FILIP1: variants seen among roughly 807,000 people sequenced by gnomAD.
FILIP1 encodes the protein filamin-A-interacting protein 1.
A neutral mutation model predicts 102.1 loss-of-function variants in FILIP1; 61 were observed. The ratio of observed to expected loss-of-function variants is 0.60; its 90% confidence interval spans 0.49 to 0.74. The LOEUF (loss-of-function observed/expected upper bound fraction) is 0.74, where lower values mean the gene tolerates loss of function less well. Ranked by LOEUF, FILIP1 falls within the 30% of genes least tolerant of loss-of-function variation. The pLI is 0.00. For missense variants in FILIP1, 1,314 were observed against 1,441.2 expected (o/e 0.91, Z 1.43); for synonymous variants, 491 against 526.9 (o/e 0.93, Z 0.93).
At position 75,410,395 on chromosome 6, in the gene FILIP1, GA is replaced by G. The variant is rs199872268; in HGVS notation, c.276+4301del. On this transcript the variant is annotated intron_variant, in intron 2 of 5. Transcript: ENST00000237172. Reference sequence around the variant, plus strand: ...CACATAACTTCCACATTTTTTTTGAGATTTTTTTTTTTTATTATTATACTTT... The same window carrying G: ...CACATAACTTCCACATTTTTTTTGAGTTTTTTTTTTTTATTATTATACTTT... Among the ~76,000 whole-genome samples, 559 of 150,524 alleles carry G rather than the reference GA, an allele frequency of 3.7e-3. 1 individual carries two copies. Among genetic ancestry groups the G allele is most frequent in the African/African-American group, 0.013 (530 of 40,494 alleles).
intron 2 of FILIP1, among the ~76,000 whole-genome samples, chr6:75,372,625 G>A (rs866797543): frequency 1.9e-4 from 5 of 26,894 alleles, no homozygotes; most frequent in African/African-American, 8.6e-4. Flanking sequence ...GAAAGAAAAA[G>A]AAAGAAAGAA....
At chr6:75,292,916 G>T (rs1772578560) in exon 7 of FILIP1, 1 of 152,096 alleles carries the variant, frequency 6.6e-6, no homozygotes, top group Admixed American at 6.5e-5. Flanking sequence ...TACTGCAGTA[G>T]CGCTGTTGTC....
chr6:75,303,317 G>T (rs1050190094), downstream of FILIP1, among the ~76,000 whole-genome samples: 1 of 152,226 alleles, frequency 6.6e-6, no homozygotes, highest in African/African-American at 2.4e-5. Flanking sequence ...TGGCATCTGG[G>T]TGTAGATGAA....
Position 75,397,093 on chromosome 6 carries a change from C to G in FILIP1, c.276+17604G>C, listed in dbSNP as rs143299509. 7.6e-3 allele frequency among the ~76,000 whole-genome samples: 1,157 copies of G among 151,630 alleles called. 9 individuals are homozygous for G. Among genetic ancestry groups the G allele is most frequent in the Middle Eastern group, 0.02 (6 of 294 alleles). ...TGACTAGTTGATGGGTGCAGAACAC[C>G]AACATGGCACATGTATACATATGTA... is the stretch of plus-strand genomic sequence containing the variant. On this transcript the variant is annotated intron_variant, in intron 2 of 5. Transcript: ENST00000237172.
intron 4 of FILIP1, among the ~76,000 whole-genome samples, chr6:75,332,270 A>G (rs1331817378): frequency 2.6e-5 from 4 of 152,098 alleles, no homozygotes; most frequent in South Asian, 2.1e-4. Flanking sequence ...CCTATTTTCT[A>G]TGTTTCAAAG....
At chr6:75,371,497 C>T (rs1775516907) in intron 2 of FILIP1, among the ~76,000 whole-genome samples, 1 of 152,182 alleles carries the variant, frequency 6.6e-6, no homozygotes, top group African/African-American at 2.4e-5. Context: ...TATGGAATCT[C>T]AAGGGACCAT....
chr6:75,466,108 C>T (rs1258167246), intron 1 of FILIP1, among the ~76,000 whole-genome samples: 1 of 152,186 alleles, frequency 6.6e-6, no homozygotes, highest in Non-Finnish European at 1.5e-5. Context: ...ACATTACCTG[C>T]TCCACGAGGC....
At position 75,433,861 on chromosome 6, in the gene FILIP1, C is replaced by T. The variant is rs1373172965; in HGVS notation, c.-6-18883G>A. 3.9e-5 allele frequency among the ~76,000 whole-genome samples: 6 copies of T among 152,030 alleles called. No homozygotes were observed. The South Asian group carries it at 6.2e-4, about 16-fold the overall frequency. The stretch of plus-strand genomic sequence containing the variant: ...TCTTTAATCCATCTTGAATTAATTT[C>T]TGTATAAGGTGTAAGGAAGGGATAC... On this transcript the variant is annotated intron_variant, in intron 1 of 5. Coordinates refer to ENST00000237172, the MANE Select transcript of FILIP1 (RefSeq NM_015687.5).
At chr6:75,419,785 C>T (rs963335876) in intron 1 of FILIP1, among the ~76,000 whole-genome samples, 3 of 152,124 alleles carry the variant, frequency 2.0e-5, no homozygotes, top group East Asian at 1.9e-4. Context: ...TTCCTGTGTG[C>T]GTTATCTTAT....
intron 2 of FILIP1, among the ~76,000 whole-genome samples, chr6:75,394,659 G>A (rs560746706): frequency 1.3e-5 from 2 of 152,216 alleles, no homozygotes; most frequent in South Asian, 4.1e-4. Context: ...CAATACAAAT[G>A]TCTCTAACAA....
chr6:75,319,838 A>AAG (rs1554199597), intron 4 of FILIP1: 37 of 425,018 alleles, frequency 8.7e-5, no homozygotes, highest in Non-Finnish European at 1.5e-4. Context: ...CCCCAAAAAA[A>AAG]AAAAGAAAAG....
In FILIP1 at chr6:75,314,842, T is replaced by G; in HGVS notation, c.990A>C (p.Gln330His). 6.2e-7 allele frequency: 1 copy of G among 1,614,120 alleles called. No individual in the cohort carries two copies. Among genetic ancestry groups the G allele is most frequent in the Non-Finnish European group, 8.5e-7 (1 of 1,180,016 alleles). ...KLANQESHNR[Q>H]LRLKLVGLTQ... ...TTAAGCCAACCAGCTTGAGTCTAAG[T>G]TGCCTATTGTGAGACTCTTGATTAG... The change falls in exon 5 of 6, where the codon CAA (glutamine) becomes CAC (histidine). Residue 330 changes from glutamine to histidine, a missense_variant. Physicochemically the swap from Gln to His is conservative, Grantham distance 24 (BLOSUM62 0). This residue lies in a region of FILIP1 where 494 missense variants were observed against 511.2 expected (regional missense o/e 0.97). Transcript: ENST00000237172.
rs1015196708 is a variant in FILIP1 at position 75,337,065 on chromosome 6, G to C, written c.629+16474C>G. Among the ~76,000 whole-genome samples, 3 of 151,936 alleles carry C rather than the reference G, an allele frequency of 2.0e-5. No individual in the cohort carries two copies. The South Asian group carries it at 6.2e-4, about 32-fold the overall frequency. On this transcript the variant is annotated intron_variant, in intron 4 of 5. Coordinates refer to ENST00000237172, the MANE Select transcript of FILIP1 (RefSeq NM_015687.5). ...TTAATTGGTTGCCCACCAAGGACCA[G>C]GCATTGTCTTAGACACTGGTGCCTA...
At chr6:75,364,648 C>T (rs1775270517) in intron 2 of FILIP1, among the ~76,000 whole-genome samples, 1 of 152,252 alleles carries the variant, frequency 6.6e-6, no homozygotes, top group African/African-American at 2.4e-5. Flanking sequence ...GCCCAGGCCA[C>T]TCCTGACCAA....
At chr6:75,293,981 C>T (rs1223460721) in exon 7 of FILIP1, 1 of 152,184 alleles carries the variant, frequency 6.6e-6, no homozygotes, top group Non-Finnish European at 1.5e-5. Context: ...AACCAAAATT[C>T]TGGAAGTTTA....
chr6:75,304,215 T>G (rs1429881838), downstream of FILIP1, among the ~76,000 whole-genome samples: 1 of 152,094 alleles, frequency 6.6e-6, no homozygotes, highest in Non-Finnish European at 1.5e-5. Context: ...TATTTATTTA[T>G]TTTTATTTAT....
intron 2 of FILIP1, among the ~76,000 whole-genome samples, chr6:75,378,809 C>T (rs1021981430): frequency 2.6e-5 from 4 of 152,064 alleles, no homozygotes; most frequent in African/African-American, 4.8e-5. Context: ...AAGAGTTTGG[C>T]CACTGGTATT....
chr6:75,458,604 C>G (rs914601215), intron 1 of FILIP1: 2 of 152,142 alleles, frequency 1.3e-5, no homozygotes, highest in African/African-American at 4.8e-5. Context: ...ATCAGTCAAG[C>G]CCCTAGGTGG....
intron 1 of FILIP1, among the ~76,000 whole-genome samples, chr6:75,471,178 A>AAAAAAAAC (rs1328235726): frequency 6.8e-6 from 1 of 146,034 alleles, no homozygotes; most frequent in African/African-American, 2.6e-5. Flanking sequence ...AAAAAAAAAA[A>AAAAAAAAC]AAAAAGAAAA....
Sources: gnomAD v4.1 joint callset for allele counts (sites outside exome capture counted in the v4.1 genomes callset) on GRCh38, gnomAD v4.1.1 for gene constraint, gnomAD v4.1.1 regional missense constraint, MANE v1.5 for transcripts, NCBI Gene and HGNC (gene_info 2026-07-23, HGNC 2026-07-21) for gene names.